HDAC9: variants seen among roughly 807,000 people sequenced by gnomAD.
HDAC9 encodes histone deacetylase 9.
HDAC9 carries 41 observed loss-of-function variants against 139.4 expected under a neutral mutation model. That is an observed-to-expected ratio of 0.29 (90% CI 0.23 to 0.38). The LOEUF (loss-of-function observed/expected upper bound fraction) is 0.38. Among genes scored for constraint, HDAC9 ranks in the 10% least tolerant of loss-of-function variants. HDAC9 has a pLI of 1.00. For missense variants in HDAC9, 1,147 were observed against 1,297.0 expected (o/e 0.88, Z 1.78); for synonymous variants, 517 against 476.2 (o/e 1.09, Z -1.12).
chr7:18,343,223 G>A (rs1782148758), intron 1 of HDAC9, among the ~76,000 whole-genome samples: 1 of 151,476 alleles, frequency 6.6e-6, no homozygotes, highest in African/African-American at 2.4e-5. Flanking sequence ...GTTTTTTTTA[G>A]GCATGTGTCA....
At chr7:18,199,454 A>G (rs1289547018) in intron 2 of HDAC9, among the ~76,000 whole-genome samples, 1 of 151,982 alleles carries the variant, frequency 6.6e-6, no homozygotes, top group African/African-American at 2.4e-5. Flanking sequence ...AAACCCAAGG[A>G]TCTGCTGTTA....
chr7:18,859,698 A>G (rs1162114087), intron 21 of HDAC9, among the ~76,000 whole-genome samples: 1 of 151,146 alleles, frequency 6.6e-6, no homozygotes, highest in African/African-American at 2.4e-5. Flanking sequence ...TGAATTCTAT[A>G]AACCACAGAA....
intron 12 of HDAC9, among the ~76,000 whole-genome samples, chr7:18,687,980 G>A (rs1034003825): frequency 6.6e-6 from 1 of 151,640 alleles, no homozygotes; most frequent in East Asian, 1.9e-4. Context: ...AAGGAGTGAG[G>A]TAGCTATCAG....
chr7:18,760,360 A>G (rs1424707043), intron 14 of HDAC9, among the ~76,000 whole-genome samples: 3 of 152,102 alleles, frequency 2.0e-5, no homozygotes, highest in Non-Finnish European at 2.9e-5. Context: ...TTTACATGCC[A>G]TCCTACTCTT....
chr7:18,554,199 A>G (rs1180497040), intron 2 of HDAC9, among the ~76,000 whole-genome samples: 1 of 152,152 alleles, frequency 6.6e-6, no homozygotes, highest in Non-Finnish European at 1.5e-5. Flanking sequence ...AAGTGATTAT[A>G]GAACTGTATT....
chr7:18,853,182 G>A (rs1256730957), intron 21 of HDAC9, among the ~76,000 whole-genome samples: 1 of 152,088 alleles, frequency 6.6e-6, no homozygotes, highest in Non-Finnish European at 1.5e-5. Context: ...AGTGATTTAT[G>A]TTAATGAAAT....
At chr7:18,135,439 C>T (rs1785323687) in intron 1 of HDAC9, among the ~76,000 whole-genome samples, 1 of 131,878 alleles carries the variant, frequency 7.6e-6, no homozygotes, top group Admixed American at 7.6e-5. Flanking sequence ...TCTCCCAATG[C>T]TATCCCTCCC....
intron 1 of HDAC9, among the ~76,000 whole-genome samples, chr7:18,467,202 C>T (rs1186047369): frequency 2.0e-5 from 3 of 152,166 alleles, no homozygotes; most frequent in African/African-American, 7.2e-5. Context: ...TCTTTGTTCT[C>T]TGTCAGTTAA....
At position 18,600,615 on chromosome 7, in the gene HDAC9, A is replaced by C. The variant is rs184316150; in HGVS notation, c.664+6586A>C. On this transcript the variant is annotated intron_variant, in intron 6 of 25. Coordinates refer to ENST00000686413, the MANE Select transcript of HDAC9 (RefSeq NM_178425.4). ...GTGTGGGTTTATTTCTGGGCTCTCTATTCTACTTCACTGATCTACTTGTCT... is the reference window on the plus strand; with the variant it reads ...GTGTGGGTTTATTTCTGGGCTCTCTCTTCTACTTCACTGATCTACTTGTCT... Among the ~76,000 whole-genome samples, 606 of 152,198 alleles carry C rather than the reference A, an allele frequency of 4.0e-3. 1 individual carries two copies. The highest frequency in any genetic ancestry group is 6.9e-3 in the Non-Finnish European group (469 of 68,000).
chr7:18,624,087 T>C (rs1338563775), intron 6 of HDAC9, among the ~76,000 whole-genome samples: 2 of 152,162 alleles, frequency 1.3e-5, no homozygotes, highest in African/African-American at 2.4e-5. Context: ...GTCACACATA[T>C]CAATCTCTTA....
At chr7:18,181,415 G>T (rs1315692404) in intron 2 of HDAC9, among the ~76,000 whole-genome samples, 1 of 152,138 alleles carries the variant, frequency 6.6e-6, no homozygotes, top group East Asian at 1.9e-4. Context: ...AGACAATTTA[G>T]ACTATTGGAT....
intron 16 of HDAC9, among the ~76,000 whole-genome samples, chr7:18,768,294 T>C (rs1408724102): frequency 6.6e-6 from 1 of 152,184 alleles, no homozygotes; most frequent in Non-Finnish European, 1.5e-5. Flanking sequence ...CACATCCTTG[T>C]CGAGGAGTTC....
At chr7:18,943,962 T>C (rs1782197693) in intron 23 of HDAC9, among the ~76,000 whole-genome samples, 1 of 152,152 alleles carries the variant, frequency 6.6e-6, no homozygotes, top group African/African-American at 2.4e-5. Flanking sequence ...GATTCTGATA[T>C]TTCCCCCAAT....
In HDAC9 at chr7:18,568,945, G is replaced by A. The variant is rs568530207; in HGVS notation, c.23-16336G>A. Among the ~76,000 whole-genome samples the A allele has an allele frequency of 5.3e-5, 8 of 152,212 alleles. No homozygotes were observed. In the South Asian group the frequency reaches 6.2e-4, roughly 12 times the overall value. On this transcript the variant is annotated intron_variant, in intron 2 of 25. Coordinates refer to ENST00000686413, the MANE Select transcript of HDAC9 (RefSeq NM_178425.4). The stretch of plus-strand genomic sequence containing the variant: ...ACCTGTAATACCAGCTACTCAGGAG[G>A]CTGAGGCAGGAGAATCGCTTGAACC...
chr7:18,915,210 T>G (rs1803080040), intron 22 of HDAC9, among the ~76,000 whole-genome samples: 1 of 152,056 alleles, frequency 6.6e-6, no homozygotes, highest in Non-Finnish European at 1.5e-5. Flanking sequence ...TAAGGATATT[T>G]TATAAGTAGA....
At chr7:18,963,161 G>C (rs1410320784) in intron 24 of HDAC9, among the ~76,000 whole-genome samples, 2 of 152,074 alleles carry the variant, frequency 1.3e-5, no homozygotes, top group African/African-American at 4.8e-5. Flanking sequence ...TAGGAGAGGG[G>C]AAAAAACATA....
At chr7:18,293,792 G>A (rs1252247759) in intron 1 of HDAC9, among the ~76,000 whole-genome samples, 2 of 152,052 alleles carry the variant, frequency 1.3e-5, no homozygotes, top group African/African-American at 2.4e-5. Flanking sequence ...CGGGATTACT[G>A]CGTACTAGTG....
At chr7:18,838,582 T>G (rs1357181873) in intron 21 of HDAC9, among the ~76,000 whole-genome samples, 1 of 152,096 alleles carries the variant, frequency 6.6e-6, no homozygotes, top group Non-Finnish European at 1.5e-5. Flanking sequence ...TATATATGTA[T>G]ATACTCCTTT....
chr7:18,410,374 A>C (rs371777880), intron 1 of HDAC9, among the ~76,000 whole-genome samples: 1 of 152,154 alleles, frequency 6.6e-6, no homozygotes, highest in East Asian at 1.9e-4. Context: ...CTGGATGAAC[A>C]ATCCTGTTGG....
Sources: gnomAD v4.1 joint callset for allele counts (sites outside exome capture counted in the v4.1 genomes callset) on GRCh38, gnomAD v4.1.1 for gene constraint, MANE v1.5 for transcripts, NCBI Gene and HGNC (gene_info 2026-07-23, HGNC 2026-07-21) for gene names.